Variants in ATP10A observed in about 807,000 individuals in gnomAD.
ATP10A encodes ATPase phospholipid transporting 10A (putative), also known as phospholipid-transporting ATPase VA.
Under a neutral mutation model 147.8 loss-of-function variants are expected in ATP10A, and 111 were observed. The ratio of observed to expected loss-of-function variants is 0.75; its 90% CI spans 0.64 to 0.88. ATP10A has a LOEUF of 0.88. ATP10A is among the 40% of genes least tolerant of loss of function. The pLI, the probability that ATP10A is intolerant of heterozygous loss-of-function variation, is 0.00. For synonymous variants in ATP10A, 875 were observed against 841.6 expected (o/e 1.04, Z -0.69); for missense variants, 1,927 against 1,959.0 (o/e 0.98, Z 0.31).
intron 12 of ATP10A, 65 bp from the exon 13 acceptor site, chr15:25,702,165 G>A: frequency 6.7e-7 from 1 of 1,499,006 alleles, no homozygotes; most frequent in South Asian, 1.3e-5. Context: ...CTTCTGGGGT[G>A]CAAATGTCAT....
chr15:25,816,216 T>A (rs942920130), intron 1 of ATP10A, among the ~76,000 whole-genome samples: 6 of 123,322 alleles, frequency 4.9e-5, no homozygotes, highest in African/African-American at 1.8e-4. Flanking sequence ...GTTGCTTCTC[T>A]GGGTTTTGTT....
At chr15:25,706,257 G>C (rs1901004966) in intron 12 of ATP10A, among the ~76,000 whole-genome samples, 1 of 152,176 alleles carries the variant, frequency 6.6e-6, no homozygotes, top group Non-Finnish European at 1.5e-5. Context: ...GGCCAAGAGA[G>C]GTGACCGATG....
chr15:25,714,326 G>C (rs1351811151), intron 9 of ATP10A, 85 bp from the exon 10 acceptor site: 24 of 1,277,284 alleles, frequency 1.9e-5, no homozygotes, highest in Non-Finnish European at 2.0e-5. Flanking sequence ...GATGCTCCAG[G>C]CACTTGGAGG....
At chr15:25,851,103 C>T (rs1416664838) in intron 1 of ATP10A, among the ~76,000 whole-genome samples, 1 of 151,952 alleles carries the variant, frequency 6.6e-6, no homozygotes, top group African/African-American at 2.4e-5. Context: ...TCTGGCCTGG[C>T]CCACGCTGAG....
intron 1 of ATP10A, among the ~76,000 whole-genome samples, chr15:25,830,229 TG>T (rs1892299369): frequency 6.6e-6 from 1 of 152,114 alleles, no homozygotes; most frequent in Admixed American, 6.5e-5. Flanking sequence ...CTGGCCTTCC[TG>T]GGTCATCCCC....
chr15:25,807,480 A>G lies in ATP10A; in HGVS notation c.450-26257T>C, dbSNP rs568252953. 2.2e-3 allele frequency among the ~76,000 whole-genome samples: 338 copies of G among 152,344 alleles called. 3 individuals carry two copies. The highest frequency in any genetic ancestry group is 7.6e-3 in the African/African-American group (317 of 41,578). On this transcript the variant is annotated intron_variant, in intron 1 of 20. Transcript: ENST00000555815. ...CCTGTGAAATAACAATTTTAAATGA[A>G]GTTGTCATTCACCAAATATTTTTAA...
At chr15:25,724,245 T>C (rs1371246261) in intron 5 of ATP10A, among the ~76,000 whole-genome samples, 1 of 152,178 alleles carries the variant, frequency 6.6e-6, no homozygotes, top group Non-Finnish European at 1.5e-5. Context: ...ACTGAGAGTT[T>C]CCCATTGTTG....
chr15:25,770,082 C>T (rs955720477), intron 2 of ATP10A, among the ~76,000 whole-genome samples: 1 of 152,194 alleles, frequency 6.6e-6, no homozygotes, highest in African/African-American at 2.4e-5. Context: ...CAGTTTAAGC[C>T]GCCCAATTCA....
At chr15:25,682,784 C>T (rs1169156125) in intron 17 of ATP10A, among the ~76,000 whole-genome samples, 1 of 152,190 alleles carries the variant, frequency 6.6e-6, no homozygotes, top group Non-Finnish European at 1.5e-5. Context: ...TTTTTGCCCA[C>T]ATGGAATAAT....
chr15:25,744,005 C>T (rs1016043762), intron 2 of ATP10A, among the ~76,000 whole-genome samples: 1 of 152,018 alleles, frequency 6.6e-6, no homozygotes, highest in East Asian at 1.9e-4. Context: ...GGGCATCTTT[C>T]GGGGGACCAC....
chr15:25,810,757 T>C (rs902977502), intron 1 of ATP10A, among the ~76,000 whole-genome samples: 9 of 151,848 alleles, frequency 5.9e-5, no homozygotes, highest in Non-Finnish European at 5.9e-5. Context: ...CCACGGAAAA[T>C]AGCACGCCAG....
intron 1 of ATP10A, among the ~76,000 whole-genome samples, chr15:25,818,883 C>T (rs1235338008): frequency 1.3e-5 from 2 of 152,118 alleles, no homozygotes; most frequent in Non-Finnish European, 2.9e-5. Context: ...TGGATTGCTA[C>T]ATGCAGAAGA....
intron 1 of ATP10A, among the ~76,000 whole-genome samples, chr15:25,843,216 T>TCCACCCC (rs974248538): frequency 1.2e-3 from 28 of 22,700 alleles, no homozygotes; most frequent in Admixed American, 2.2e-3. Flanking sequence ...AGGCCCACCC[T>TCCACCCC]CCACCCCCCA....
chr15:25,753,558 C>G (rs959944072), intron 2 of ATP10A, among the ~76,000 whole-genome samples: 9 of 150,426 alleles, frequency 6.0e-5, no homozygotes, highest in Admixed American at 5.3e-4. Context: ...CTAACTGCAC[C>G]CCCCCACAAG....
chr15:25,785,934 G>A (rs1435416827), intron 1 of ATP10A, among the ~76,000 whole-genome samples: 1 of 152,252 alleles, frequency 6.6e-6, no homozygotes. Flanking sequence ...AGCTGGTGGG[G>A]CTGTGCGGGG....
rs1339244290 is a variant in ATP10A at position 25,724,028 on chromosome 15, T to C, written c.980-7A>G. ...CATATCCACAGTCCATGTCCTGTAG[T>C]AATGTTCAAAGAGAAATGTCATTCA... On this transcript the variant is annotated splice_region_variant and splice_polypyrimidine_tract_variant and intron_variant, in intron 5 of 20. Transcript: ENST00000555815. The C allele has an allele frequency of 6.5e-7, 1 of 1,536,338 alleles. No individual in the cohort carries two copies. The highest frequency in any genetic ancestry group is 8.7e-7 in the Non-Finnish European group (1 of 1,143,906).
At chr15:25,818,747 A>G (rs1891765737) in intron 1 of ATP10A, among the ~76,000 whole-genome samples, 1 of 152,188 alleles carries the variant, frequency 6.6e-6, no homozygotes, top group Non-Finnish European at 1.5e-5. Flanking sequence ...ATATTGGTAC[A>G]AAAATAGACA....
intron 1 of ATP10A, among the ~76,000 whole-genome samples, chr15:25,834,534 G>A (rs112605074): frequency 0.12 from 17,775 of 152,180 alleles, 1,459 homozygotes; most frequent in Admixed American, 0.22. Context: ...TGGAACCCTC[G>A]GAGAACTGCT....
At position 25,680,901 on chromosome 15, in the gene ATP10A, G is replaced by T; in HGVS notation, c.3587C>A (p.Ser1196Ter). ...FSIPYLAYYD[S>*]NVDLFTWGTP... The stretch of plus-strand genomic sequence containing the variant: ...CCCCCAGGTAAACAGGTCCACGTTC[G>T]AGTCATAGTAGGCCTGAAAGACAGT... Residue 1196 changes from serine to a stop codon, truncating the protein, a stop_gained, in exon 19 of 21, where the codon TCG (serine) becomes TAG (stop). Coordinates refer to ENST00000555815, the MANE Select transcript of ATP10A (RefSeq NM_024490.4). LOFTEE classifies it high-confidence loss of function. 1.9e-6 allele frequency: 3 copies of T among 1,614,134 alleles called. No individual in the cohort carries two copies. The highest frequency in any genetic ancestry group is 1.1e-5 in the South Asian group (1 of 91,084).
Sources: allele counts gnomAD v4.1 joint callset (sites outside exome capture counted in the v4.1 genomes callset), GRCh38; gene constraint gnomAD v4.1.1; transcripts MANE v1.5; gene names NCBI Gene and HGNC (gene_info 2026-07-23, HGNC 2026-07-21).